PTPRK: variants seen among roughly 807,000 people sequenced by gnomAD.
The protein encoded by PTPRK is receptor-type tyrosine-protein phosphatase kappa.
Under a neutral mutation model 178.0 loss-of-function variants are expected in PTPRK, and 75 were observed. That is an observed-to-expected ratio of 0.42 (90% CI 0.35 to 0.51). The LOEUF (loss-of-function observed/expected upper bound fraction) is 0.51. PTPRK is among the 20% of genes least tolerant of loss of function. The pLI is 0.02. For synonymous variants in PTPRK, 637 were observed against 620.6 expected (o/e 1.03, Z -0.39); for missense variants, 1,441 against 1,797.8 (o/e 0.80, Z 3.59).
At chr6:128,424,552 G>A (rs980068419) in intron 1 of PTPRK, among the ~76,000 whole-genome samples, 1 of 152,178 alleles carries the variant, frequency 6.6e-6, no homozygotes, top group Non-Finnish European at 1.5e-5. Flanking sequence ...AACAGCAGAA[G>A]TCATGAGGGA....
intron 2 of PTPRK, among the ~76,000 whole-genome samples, chr6:128,380,357 T>C (rs1562396910): frequency 6.6e-6 from 1 of 151,918 alleles, no homozygotes; most frequent in African/African-American, 2.4e-5. Context: ...ATACCAGACT[T>C]GGAGATGAGC....
chr6:128,355,347 G>A (rs1833809534), intron 2 of PTPRK, among the ~76,000 whole-genome samples: 1 of 152,170 alleles, frequency 6.6e-6, no homozygotes, highest in Non-Finnish European at 1.5e-5. Flanking sequence ...ATTTAAAATA[G>A]TAGAATAAAA....
At chr6:128,189,265 G>A (rs1483076567) in intron 6 of PTPRK, among the ~76,000 whole-genome samples, 2 of 105,562 alleles carry the variant, frequency 1.9e-5, no homozygotes, top group African/African-American at 7.5e-5. Context: ...TTTTGAGACA[G>A]AGTCTCATCT....
At chr6:128,040,787 AT>A (rs950526578) in intron 13 of PTPRK, among the ~76,000 whole-genome samples, 1 of 152,082 alleles carries the variant, frequency 6.6e-6, no homozygotes, top group Non-Finnish European at 1.5e-5. Flanking sequence ...TTGTTAAACA[AT>A]GAAGAATATA....
chr6:128,064,135 C>T (rs1292300734), intron 13 of PTPRK, among the ~76,000 whole-genome samples: 1 of 152,134 alleles, frequency 6.6e-6, no homozygotes, highest in Non-Finnish European at 1.5e-5. Flanking sequence ...AGACTTTCCC[C>T]CACTTGGAAC....
intron 7 of PTPRK, among the ~76,000 whole-genome samples, chr6:128,104,317 C>A (rs540700313): frequency 2.6e-5 from 4 of 152,180 alleles, no homozygotes; most frequent in Non-Finnish European, 5.9e-5. Context: ...AGCTCCACCT[C>A]CCAGGTTCTC....
At chr6:128,025,036 G>C (rs1562455714) in intron 13 of PTPRK, among the ~76,000 whole-genome samples, 1 of 152,152 alleles carries the variant, frequency 6.6e-6, no homozygotes, top group East Asian at 1.9e-4. Flanking sequence ...AGTACAACAA[G>C]TTTGTCTTTG....
intron 2 of PTPRK, among the ~76,000 whole-genome samples, chr6:128,386,029 A>C (rs1838662644): frequency 6.6e-6 from 1 of 152,142 alleles, no homozygotes. Flanking sequence ...GTATACTTTT[A>C]ATGTTCTGTT....
chr6:128,028,709 G>C (rs1044185408), intron 13 of PTPRK, among the ~76,000 whole-genome samples: 1 of 152,170 alleles, frequency 6.6e-6, no homozygotes, highest in African/African-American at 2.4e-5. Flanking sequence ...CATATCCTAT[G>C]TATTTTTAGT....
chr6:128,298,994 C>T (rs1217739060), intron 3 of PTPRK, among the ~76,000 whole-genome samples: 3 of 152,184 alleles, frequency 2.0e-5, no homozygotes, highest in Non-Finnish European at 4.4e-5. Context: ...CCAAAATCTC[C>T]TCAAGCTGAT....
intron 7 of PTPRK, among the ~76,000 whole-genome samples, chr6:128,113,526 T>A (rs1217335010): frequency 6.6e-6 from 1 of 151,904 alleles, no homozygotes; most frequent in Non-Finnish European, 1.5e-5. Flanking sequence ...AACAACTATT[T>A]ACATACCATT....
chr6:127,991,525 T>A, intron 19 of PTPRK, 134 bp from the exon 20 acceptor site: 1 of 520,082 alleles, frequency 1.9e-6, no homozygotes, highest in Non-Finnish European at 3.1e-6. Flanking sequence ...CTGAAAATAC[T>A]TAAATTCAGT....
chr6:128,358,734 C>T (rs553608104), intron 2 of PTPRK, among the ~76,000 whole-genome samples: 4 of 152,284 alleles, frequency 2.6e-5, no homozygotes, highest in African/African-American at 7.2e-5. Flanking sequence ...AAATAGAACC[C>T]TTGCTCGGCT....
chr6:128,271,781 G>A (rs1032310710), intron 3 of PTPRK, among the ~76,000 whole-genome samples: 10 of 151,810 alleles, frequency 6.6e-5, no homozygotes, highest in African/African-American at 2.4e-4. Flanking sequence ...TCTGGCCAAC[G>A]CTTCTGCTTG....
In PTPRK at chr6:128,182,247, T is replaced by C. The variant is rs563029934; in HGVS notation, c.1162+2185A>G. On this transcript the variant is annotated intron_variant, in intron 7 of 29. Transcript: ENST00000368226. ...AAAAAAGAATCAGATAAAAAGACAGTATAATTCCAAAATATCAAGACATTT... is the reference window on the plus strand; with the variant it reads ...AAAAAAGAATCAGATAAAAAGACAGCATAATTCCAAAATATCAAGACATTT... 2.0e-4 allele frequency among the ~76,000 whole-genome samples: 31 copies of C among 152,120 alleles called. No homozygotes were observed. The South Asian group carries it at 6.2e-3, about 31-fold the overall frequency.
chr6:127,980,470 C>T (rs1323666077), intron 25 of PTPRK, among the ~76,000 whole-genome samples: 5 of 150,990 alleles, frequency 3.3e-5, no homozygotes, highest in East Asian at 1.9e-4. Flanking sequence ...CCAGCCTGGG[C>T]GACAGAGTGA....
At chr6:128,276,058 A>G (rs1820675972) in intron 3 of PTPRK, among the ~76,000 whole-genome samples, 1 of 152,070 alleles carries the variant, frequency 6.6e-6, no homozygotes, top group African/African-American at 2.4e-5. Flanking sequence ...ATAAGGTAAC[A>G]TTAACTATTT....
At chr6:128,460,747 T>C (rs1228831223) in intron 1 of PTPRK, among the ~76,000 whole-genome samples, 1 of 152,230 alleles carries the variant, frequency 6.6e-6, no homozygotes, top group Non-Finnish European at 1.5e-5. Flanking sequence ...ATGGAGCAGA[T>C]GAAAGCAAAA....
At chr6:128,478,709 C>T (rs1851676294) in intron 1 of PTPRK, among the ~76,000 whole-genome samples, 1 of 152,092 alleles carries the variant, frequency 6.6e-6, no homozygotes, top group Non-Finnish European at 1.5e-5. Context: ...TTCATTTTCA[C>T]TTGCCCATAT....
Sources: allele counts gnomAD v4.1 joint callset (sites outside exome capture counted in the v4.1 genomes callset), GRCh38; gene constraint gnomAD v4.1.1; transcripts MANE v1.5; gene names NCBI Gene and HGNC (gene_info 2026-07-23, HGNC 2026-07-21).